CCDC149: variants seen among roughly 807,000 people sequenced by gnomAD.
CCDC149 encodes coiled-coil domain-containing protein 149.
A neutral mutation model predicts 59.9 loss-of-function variants in CCDC149; 45 were observed. The ratio of observed to expected loss-of-function variants is 0.75; its 90% CI spans 0.59 to 0.96. The LOEUF (loss-of-function observed/expected upper bound fraction) is 0.96. Ranked by LOEUF, CCDC149 falls within the 40% of genes least tolerant of loss-of-function variation. The pLI is 0.00. For synonymous variants in CCDC149, 245 were observed against 260.6 expected, an observed-to-expected ratio of 0.94 and a Z score of 0.58; for missense variants, 584 against 664.7, an observed-to-expected ratio of 0.88 and a Z score of 1.33.
intron 1 of CCDC149, among the ~76,000 whole-genome samples, chr4:24,887,013 T>G (rs1560238090): frequency 1.3e-5 from 2 of 152,128 alleles, no homozygotes; most frequent in Non-Finnish European, 2.9e-5. Context: ...AAGCAGAGCT[T>G]ACAACTCATT....
intron 4 of CCDC149, among the ~76,000 whole-genome samples, chr4:24,846,523 C>T (rs1267557673): frequency 6.6e-6 from 1 of 152,166 alleles, no homozygotes; most frequent in Non-Finnish European, 1.5e-5. Context: ...CGAAGTGTAC[C>T]TTAATTAGTC....
At chr4:24,924,106 G>T (rs944488252) in intron 1 of CCDC149, among the ~76,000 whole-genome samples, 2 of 152,120 alleles carry the variant, frequency 1.3e-5, no homozygotes, top group Admixed American at 1.3e-4. Context: ...ACAGACATAT[G>T]GCTACACACC....
intron 4 of CCDC149, among the ~76,000 whole-genome samples, chr4:24,852,168 T>C (rs998905750): frequency 6.6e-6 from 1 of 151,928 alleles, no homozygotes; most frequent in Non-Finnish European, 1.5e-5. Flanking sequence ...GCATTTTTCA[T>C]AATGGCTCCT....
intron 12 of CCDC149, among the ~76,000 whole-genome samples, chr4:24,818,309 G>A (rs531089479): frequency 6.6e-6 from 1 of 152,316 alleles, no homozygotes; most frequent in African/African-American, 2.4e-5. Flanking sequence ...AGTCCACAGA[G>A]TATTCAGGGC....
At chr4:24,858,666 C>T (rs990171126) in intron 3 of CCDC149, among the ~76,000 whole-genome samples, 17 of 152,166 alleles carry the variant, frequency 1.1e-4, no homozygotes, top group African/African-American at 4.1e-4. Context: ...AACTCAATCC[C>T]CAATTATAAA....
chr4:24,887,979 T>A (rs1478166134), intron 1 of CCDC149, among the ~76,000 whole-genome samples: 1 of 152,134 alleles, frequency 6.6e-6, no homozygotes, highest in Non-Finnish European at 1.5e-5. Context: ...CCTCTCTCTT[T>A]TTCTACACTG....
intron 1 of CCDC149, among the ~76,000 whole-genome samples, chr4:24,938,564 G>C (rs577980100): frequency 6.6e-6 from 1 of 152,206 alleles, no homozygotes; most frequent in African/African-American, 2.4e-5. Context: ...AGGGGGTGCA[G>C]TGCACTGGGC....
At chr4:24,844,378 C>T (rs758166065) in intron 4 of CCDC149, among the ~76,000 whole-genome samples, 1 of 152,120 alleles carries the variant, frequency 6.6e-6, no homozygotes, top group African/African-American at 2.4e-5. Flanking sequence ...TTTACAGTAG[C>T]GAGAACCCCC....
intron 3 of CCDC149, among the ~76,000 whole-genome samples, chr4:24,860,124 C>T (rs955423458): frequency 6.6e-6 from 1 of 152,096 alleles, no homozygotes; most frequent in Non-Finnish European, 1.5e-5. Flanking sequence ...AAAAAAGAGC[C>T]CGCATAGCCA....
At chr4:24,926,987 A>T (rs1388661088) in intron 1 of CCDC149, among the ~76,000 whole-genome samples, 1 of 152,176 alleles carries the variant, frequency 6.6e-6, no homozygotes, top group Non-Finnish European at 1.5e-5. Flanking sequence ...TGGACTAAGC[A>T]GAAGTGGCAT....
rs144680173 is a variant in CCDC149 at position 24,873,329 on chromosome 4, C to T, written c.264+352G>A. Among the ~76,000 whole-genome samples the T allele has an allele frequency of 4.3e-3, 659 of 151,536 alleles. 3 individuals carry two copies. The highest frequency in any genetic ancestry group is 6.4e-3 in the Non-Finnish European group (433 of 67,422). ...CAGTATATATCCACTGAACAGTATG[C>T]ACCCACAGAACAGTATGCACCCAAC... is the stretch of plus-strand genomic sequence containing the variant. On this transcript the variant is annotated intron_variant, in intron 3 of 12. Transcript: ENST00000635206.
In CCDC149 at chr4:24,821,026, CA is replaced by C. The variant is rs1408622414; in HGVS notation, c.1075+28del. 35 of 1,218,752 alleles carry C rather than the reference CA, an allele frequency of 2.9e-5. No homozygotes were observed. In the Admixed American group the frequency reaches 6.8e-4, roughly 24 times the overall value. The allele number at this position is 1,218,752 out of a possible 1,614,324, so 75.5% of individuals were successfully genotyped here. On this transcript the variant is annotated intron_variant, in intron 11 of 12. Coordinates refer to ENST00000635206, the MANE Select transcript of CCDC149 (RefSeq NM_001330643.2). ...CATAATACACTGCTGATATTAGCCA[CA>C]AAAACGGATATTTTAAACAGAACAT... is the stretch of plus-strand genomic sequence containing the variant.
intron 1 of CCDC149, among the ~76,000 whole-genome samples, chr4:24,941,925 G>T (rs1346180158): frequency 6.6e-6 from 1 of 152,154 alleles, no homozygotes; most frequent in African/African-American, 2.4e-5. Context: ...ACCAAAAAAA[G>T]TCCAGGACCA....
intron 1 of CCDC149, among the ~76,000 whole-genome samples, chr4:24,939,136 G>A: frequency 6.6e-6 from 1 of 152,202 alleles, no homozygotes; most frequent in Non-Finnish European, 1.5e-5. Flanking sequence ...TAACTGGGAG[G>A]CACCCCCCAG....
upstream of CCDC149, among the ~76,000 whole-genome samples, chr4:24,914,812 T>G (rs1577483258): frequency 6.6e-6 from 1 of 152,226 alleles, no homozygotes. Flanking sequence ...GAACTCTCCC[T>G]GGCAGCCCTT....
At chr4:24,840,014 G>C (rs1261498115) in intron 4 of CCDC149, among the ~76,000 whole-genome samples, 1 of 152,192 alleles carries the variant, frequency 6.6e-6, no homozygotes, top group East Asian at 1.9e-4. Flanking sequence ...TTAATTTTCA[G>C]AGTCTCTGAA....
At chr4:24,963,561 A>G (rs775898022) in intron 1 of CCDC149, among the ~76,000 whole-genome samples, 2 of 152,194 alleles carry the variant, frequency 1.3e-5, no homozygotes, top group South Asian at 4.1e-4. Flanking sequence ...CCCTGGAGTC[A>G]GTGGACCCAA....
chr4:24,969,378 G>A (rs1723895201), intron 1 of CCDC149, among the ~76,000 whole-genome samples: 1 of 152,192 alleles, frequency 6.6e-6, no homozygotes, highest in South Asian at 2.1e-4. Flanking sequence ...TATGTGGCCT[G>A]TATGGTTGCC....
intron 1 of CCDC149, among the ~76,000 whole-genome samples, chr4:24,966,670 C>A (rs1172242316): frequency 2.0e-5 from 3 of 152,220 alleles, no homozygotes; most frequent in African/African-American, 2.4e-5. Context: ...CAATGAAATT[C>A]TCTTAAATTT....
Sources: gnomAD v4.1 joint callset for allele counts (sites outside exome capture counted in the v4.1 genomes callset) on GRCh38, gnomAD v4.1.1 for gene constraint, MANE v1.5 for transcripts, NCBI Gene and HGNC (gene_info 2026-07-23, HGNC 2026-07-21) for gene names.